VPS8: variants seen among roughly 807,000 people sequenced by gnomAD.
The protein encoded by VPS8 is vacuolar protein sorting-associated protein 8 homolog.
VPS8 carries 129 observed loss-of-function variants against 216.4 expected under a neutral mutation model. The observed-to-expected ratio is 0.60, with a 90% CI of 0.52 to 0.69. The LOEUF (loss-of-function observed/expected upper bound fraction) is 0.69. Among genes scored for constraint, VPS8 ranks in the 30% least tolerant of loss-of-function variants. VPS8 has a pLI of 0.00. For missense variants in VPS8, 1,531 were observed against 1,683.5 expected, an observed-to-expected ratio of 0.91 and a Z score of 1.59; for synonymous variants, 571 against 565.4, an observed-to-expected ratio of 1.01 and a Z score of -0.14.
intron 40 of VPS8, among the ~76,000 whole-genome samples, chr3:184,977,243 C>T: frequency 6.6e-6 from 1 of 152,040 alleles, no homozygotes. Flanking sequence ...GTTTATTGGC[C>T]ACTTGCGTGT....
intron 22 of VPS8, chr3:184,893,430 A>C: frequency 1.0e-6 from 1 of 957,958 alleles, no homozygotes; most frequent in East Asian, 8.9e-5. Flanking sequence ...AAATTCACAC[A>C]GTTTTTGTAT....
chr3:184,881,054 G>A (rs912982948), intron 21 of VPS8, among the ~76,000 whole-genome samples: 19 of 152,010 alleles, frequency 1.2e-4, no homozygotes, highest in Non-Finnish European at 2.9e-5. Context: ...ATATATTCAA[G>A]GCACTAGTCC....
At chr3:184,895,140 G>C (rs992179473) in intron 23 of VPS8, among the ~76,000 whole-genome samples, 1 of 152,138 alleles carries the variant, frequency 6.6e-6, no homozygotes, top group African/African-American at 2.4e-5. Flanking sequence ...GCAAGTCAGG[G>C]ATTATGTTGT....
chr3:184,844,193 G>C (rs563862032), intron 8 of VPS8, among the ~76,000 whole-genome samples: 1 of 152,282 alleles, frequency 6.6e-6, no homozygotes, highest in South Asian at 2.1e-4. Context: ...TGGCCGAGGT[G>C]GGCAGATCAC....
chr3:184,894,508 G>GTATATATATATATTTATATA (rs1553857847), intron 22 of VPS8, among the ~76,000 whole-genome samples, 195 bp from the exon 23 acceptor site: 1 of 133,128 alleles, frequency 7.5e-6, no homozygotes, highest in Non-Finnish European at 1.6e-5. Flanking sequence ...ATATACACAC[G>GTATATATATATATTTATATA]TATATATATA....
intron 42 of VPS8, among the ~76,000 whole-genome samples, chr3:184,986,516 T>C (rs1230690279): frequency 6.6e-6 from 1 of 152,134 alleles, no homozygotes; most frequent in Non-Finnish European, 1.5e-5. Flanking sequence ...AGTCTGCTGA[T>C]GGTATTCCCC....
intron 22 of VPS8, among the ~76,000 whole-genome samples, chr3:184,891,525 A>C (rs1399492095): frequency 2.0e-5 from 3 of 152,176 alleles, no homozygotes; most frequent in Admixed American, 6.5e-5. Context: ...TAATAGCTAT[A>C]TTGAGATATA....
At chr3:185,026,334 G>A (rs576378559) in intron 46 of VPS8, among the ~76,000 whole-genome samples, 58 of 151,956 alleles carry the variant, frequency 3.8e-4, no homozygotes, top group South Asian at 2.3e-3. Flanking sequence ...TAAAGGACTT[G>A]AGCATCCATG....
chr3:184,894,669 C>T, intron 22 of VPS8, 34 bp from the exon 23 acceptor site: 1 of 1,504,948 alleles, frequency 6.6e-7, no homozygotes, highest in Non-Finnish European at 9.1e-7. Context: ...TTGGCATGTT[C>T]CTAAAAGTTT....
intron 26 of VPS8, among the ~76,000 whole-genome samples, chr3:184,914,435 C>G (rs999774167): frequency 7.9e-5 from 12 of 152,178 alleles, no homozygotes; most frequent in Non-Finnish European, 1.6e-4. Flanking sequence ...CAAGGCAAGT[C>G]TTTAGCCATG....
At chr3:184,851,265 G>A (rs1160445935) in intron 10 of VPS8, among the ~76,000 whole-genome samples, 27 of 152,186 alleles carry the variant, frequency 1.8e-4, no homozygotes, top group Non-Finnish European at 3.2e-4. Flanking sequence ...TATAGTAGGA[G>A]CCATTGTGTT....
chr3:184,977,822 A>G (rs866705794), intron 40 of VPS8, among the ~76,000 whole-genome samples: 2 of 133,714 alleles, frequency 1.5e-5, no homozygotes, highest in Non-Finnish European at 3.1e-5. Flanking sequence ...GTTTGCTAGT[A>G]TTTTGTTGAG....
At chr3:185,023,195 G>A (rs1214952524) in intron 45 of VPS8, among the ~76,000 whole-genome samples, 6 of 151,896 alleles carry the variant, frequency 4.0e-5, no homozygotes, top group Admixed American at 1.3e-4. Context: ...GGATTTTCTC[G>A]AATTTTAGAT....
intron 36 of VPS8, among the ~76,000 whole-genome samples, chr3:184,955,846 G>T (rs1443553457): frequency 6.6e-6 from 1 of 152,008 alleles, no homozygotes; most frequent in Non-Finnish European, 1.5e-5. Flanking sequence ...TTTACAATGT[G>T]GTTGGGGACA....
At chr3:185,002,120 G>A (rs1753500456) in intron 45 of VPS8, among the ~76,000 whole-genome samples, 1 of 152,120 alleles carries the variant, frequency 6.6e-6, no homozygotes, top group African/African-American at 2.4e-5. Flanking sequence ...AATGAGGTGA[G>A]GTTCATTAGG....
intron 21 of VPS8, among the ~76,000 whole-genome samples, chr3:184,881,223 C>A (rs1730212115): frequency 6.6e-6 from 1 of 152,030 alleles, no homozygotes; most frequent in Admixed American, 6.6e-5. Flanking sequence ...CTTTGCCTAG[C>A]CTAAGATCCT....
intron 3 of VPS8, 93 bp from the exon 4 acceptor site, chr3:184,832,596 C>A: frequency 8.9e-7 from 1 of 1,119,572 alleles, no homozygotes; most frequent in Non-Finnish European, 1.2e-6. Context: ...CAGAAATAAG[C>A]ACTTGTGTGC....
chr3:185,027,172 G>A (rs929921125), intron 46 of VPS8, among the ~76,000 whole-genome samples: 1 of 151,600 alleles, frequency 6.6e-6, no homozygotes, highest in East Asian at 1.9e-4. Context: ...AGGGTTCTGT[G>A]AAGGCGCCAA....
chr3:184,870,181 G>A (rs1317228228), intron 20 of VPS8, among the ~76,000 whole-genome samples: 2 of 152,104 alleles, frequency 1.3e-5, no homozygotes, highest in Admixed American at 6.5e-5. Context: ...GAGGATTAAT[G>A]TTTTAATGTT....
Sources: gnomAD v4.1 joint callset for allele counts (sites outside exome capture counted in the v4.1 genomes callset) on GRCh38, gnomAD v4.1.1 for gene constraint, MANE v1.5 for transcripts, NCBI Gene and HGNC (gene_info 2026-07-23, HGNC 2026-07-21) for gene names.